Variants in RALYL observed in about 807,000 individuals in gnomAD.
The protein encoded by RALYL is RALY RNA binding protein like, also known as RNA-binding Raly-like protein.
Under a neutral mutation model 35.1 loss-of-function variants are expected in RALYL, and 29 were observed. The ratio of observed to expected loss-of-function variants is 0.83; its 90% CI spans 0.61 to 1.13. RALYL has a LOEUF of 1.13. RALYL is among the 50% of genes most tolerant of loss of function. The probability of loss-of-function intolerance (pLI) is 0.00; values close to 1 mark genes in which losing one functional copy is unlikely to be tolerated. For synonymous variants in RALYL, 120 were observed against 127.6 expected (o/e 0.94, Z 0.40); for missense variants, 359 against 360.4 (o/e 1.00, Z 0.03).
intron 2 of RALYL, among the ~76,000 whole-genome samples, chr8:84,751,499 C>T (rs901377651): frequency 7.9e-5 from 12 of 152,116 alleles, no homozygotes; most frequent in South Asian, 2.1e-4. Flanking sequence ...TGAACCACCA[C>T]GCCTGGCCTG....
At chr8:84,433,289 C>A (rs1214849595) in intron 1 of RALYL, among the ~76,000 whole-genome samples, 1 of 152,084 alleles carries the variant, frequency 6.6e-6, no homozygotes, top group Non-Finnish European at 1.5e-5. Context: ...TCATTTATGG[C>A]AATCAGATCA....
intron 1 of RALYL, among the ~76,000 whole-genome samples, chr8:84,451,598 A>G (rs1019472297): frequency 6.6e-6 from 1 of 152,014 alleles, no homozygotes; most frequent in African/African-American, 2.4e-5. Context: ...TTAGTAGCTG[A>G]TGGAAAAGTT....
intron 2 of RALYL, among the ~76,000 whole-genome samples, chr8:84,709,573 T>C (rs1841810760): frequency 6.6e-6 from 1 of 152,042 alleles, no homozygotes; most frequent in East Asian, 1.9e-4. Context: ...AAAAAAACTA[T>C]AGTACATGCA....
intron 3 of RALYL, among the ~76,000 whole-genome samples, chr8:84,798,675 G>A (rs904240294): frequency 6.6e-6 from 1 of 152,202 alleles, no homozygotes; most frequent in Non-Finnish European, 1.5e-5. Context: ...ATAATGGTAA[G>A]TAGTATCACT....
Position 84,469,682 on chromosome 8 carries a change from C to T in RALYL, c.-23-59617C>T, listed in dbSNP as rs373431487. Among the ~76,000 whole-genome samples the T allele has an allele frequency of 4.9e-4, 75 of 152,340 alleles. 2 individuals carry two copies. The highest frequency in any genetic ancestry group is 4.8e-3 in the South Asian group (23 of 4,828). On this transcript the variant is annotated intron_variant, in intron 1 of 8. Coordinates refer to ENST00000521268, the MANE Select transcript of RALYL (RefSeq NM_173848.7). The stretch of plus-strand genomic sequence containing the variant: ...TGGGCTCCACCCAGTTCGAGCTTCC[C>T]AGCTGCTTTGTTTACCTAAGCAAGC...
intron 2 of RALYL, among the ~76,000 whole-genome samples, chr8:84,637,372 G>A (rs1048545467): frequency 3.7e-4 from 56 of 151,792 alleles, no homozygotes; most frequent in Non-Finnish European, 7.4e-5. Context: ...AGTAGTGAAT[G>A]CATCCAAGGT....
At position 84,280,382 on chromosome 8, in the gene RALYL, A is replaced by G. The variant is rs2201093; in HGVS notation, c.-24+95958A>G. ...AAAATATTAATTTACAGATATTTTT[A>G]AAATTTCATTGAAAGGGAAGATATA... On this transcript the variant is annotated intron_variant, in intron 1 of 8. Transcript: ENST00000521268. Among the ~76,000 whole-genome samples the G allele has an allele frequency of 7.8e-3, 1,185 of 152,290 alleles. 20 individuals carry two copies. Among genetic ancestry groups the G allele is most frequent in the African/African-American group, 0.027 (1,140 of 41,572 alleles).
chr8:84,347,527 A>G (rs979265512), intron 1 of RALYL, among the ~76,000 whole-genome samples: 1 of 151,952 alleles, frequency 6.6e-6, no homozygotes, highest in Non-Finnish European at 1.5e-5. Context: ...TAAGGTTAAT[A>G]TCCTGTTCTT....
At position 84,618,325 on chromosome 8, in the gene RALYL, G is replaced by A. The variant is rs377726928; in HGVS notation, c.256+88748G>A. Among the ~76,000 whole-genome samples the A allele has an allele frequency of 2.2e-4, 34 of 151,534 alleles. 2 individuals carry two copies. Among genetic ancestry groups the A allele is most frequent in the African/African-American group, 5.9e-4 (24 of 40,912 alleles). On this transcript the variant is annotated intron_variant, in intron 2 of 8. Coordinates refer to ENST00000521268, the MANE Select transcript of RALYL (RefSeq NM_173848.7). ...CTTCTTCCTGGTTTAGTCTTGGGAG[G>A]GTGTATGTGTCGAGGAATTTATCCA...
intron 1 of RALYL, among the ~76,000 whole-genome samples, chr8:84,378,915 C>T (rs902068591): frequency 2.0e-5 from 3 of 151,816 alleles, no homozygotes; most frequent in African/African-American, 4.8e-5. Flanking sequence ...GTTCTAGTTC[C>T]GTATTTCTAT....
intron 2 of RALYL, among the ~76,000 whole-genome samples, chr8:84,592,961 C>T (rs962349614): frequency 6.6e-6 from 1 of 152,096 alleles, no homozygotes; most frequent in African/African-American, 2.4e-5. Context: ...AGACAGGCTT[C>T]TTTGGGTGAA....
intron 2 of RALYL, among the ~76,000 whole-genome samples, chr8:84,654,032 T>C (rs1829401055): frequency 6.6e-6 from 1 of 150,452 alleles, no homozygotes; most frequent in African/African-American, 2.4e-5. Context: ...TGGTGGTTTG[T>C]TTTGTTTTAA....
At chr8:84,845,546 T>A (rs1469776357) in intron 4 of RALYL, among the ~76,000 whole-genome samples, 1 of 152,222 alleles carries the variant, frequency 6.6e-6, no homozygotes, top group African/African-American at 2.4e-5. Context: ...TTTATTTAAG[T>A]TTCTTACAGA....
chr8:84,911,171 G>A (rs541754553), intron 8 of RALYL, among the ~76,000 whole-genome samples: 1 of 152,146 alleles, frequency 6.6e-6, no homozygotes, highest in East Asian at 1.9e-4. Context: ...ACTATCCATT[G>A]CAGAATAGGA....
chr8:84,705,919 C>G (rs1403826098), intron 2 of RALYL: 12 of 1,495,584 alleles, frequency 8.0e-6, no homozygotes, highest in Non-Finnish European at 9.7e-6. Flanking sequence ...TGCTGGTTAC[C>G]TTCTGTCAGT....
intron 2 of RALYL, among the ~76,000 whole-genome samples, chr8:84,578,141 G>T (rs938973658): frequency 6.6e-6 from 1 of 152,246 alleles, no homozygotes; most frequent in African/African-American, 2.4e-5. Context: ...TGAGCAAAAG[G>T]TCTGGCCACT....
chr8:84,207,072 T>C (rs1361491356), intron 1 of RALYL, among the ~76,000 whole-genome samples: 10 of 152,118 alleles, frequency 6.6e-5, no homozygotes, highest in South Asian at 4.1e-4. Flanking sequence ...TTAGTGAGAA[T>C]GTAGATTAGT....
intron 1 of RALYL, among the ~76,000 whole-genome samples, chr8:84,371,431 C>T (rs987421669): frequency 6.6e-6 from 1 of 151,930 alleles, no homozygotes; most frequent in African/African-American, 2.4e-5. Flanking sequence ...CCTTGTATTT[C>T]TGCATTGAAT....
chr8:84,482,450 G>C (rs1389537529), intron 1 of RALYL, among the ~76,000 whole-genome samples: 1 of 151,878 alleles, frequency 6.6e-6, no homozygotes, highest in Non-Finnish European at 1.5e-5. Context: ...TTTTTAAACT[G>C]TTAAATAATT....
Sources: gnomAD v4.1 joint callset for allele counts (sites outside exome capture counted in the v4.1 genomes callset) on GRCh38, gnomAD v4.1.1 for gene constraint, MANE v1.5 for transcripts, NCBI Gene and HGNC (gene_info 2026-07-23, HGNC 2026-07-21) for gene names.